The following NCR3LG1 variants were observed in gnomAD, a reference collection of about 807,000 sequenced individuals.
The protein encoded by NCR3LG1 is natural killer cell cytotoxicity receptor 3 ligand 1.
In NCR3LG1, 35 loss-of-function variants were observed where a neutral mutation model predicts 34.8. The observed-to-expected ratio is 1.01, with a 90% CI of 0.77 to 1.33. The LOEUF (loss-of-function observed/expected upper bound fraction) is 1.33, where lower values mean the gene tolerates loss of function less well. Among genes scored for constraint, NCR3LG1 ranks in the 40% most tolerant of loss-of-function variants. The probability of loss-of-function intolerance (pLI) is 0.00; values close to 1 mark genes in which losing one functional copy is unlikely to be tolerated. For missense variants in NCR3LG1, 452 were observed against 423.3 expected, an observed-to-expected ratio of 1.07 and a Z score of -0.60; for synonymous variants, 173 against 163.6, an observed-to-expected ratio of 1.06 and a Z score of -0.44.
chr11:17,362,724 CTTTCTTTCTTTCTTTCTT>C, intron 2 of NCR3LG1, among the ~76,000 whole-genome samples: 1 of 92,068 alleles, frequency 1.1e-5, no homozygotes, highest in African/African-American at 6.5e-5. Context: ...TTCTTTCTTT[CTTTCTTTCTTTCTTTCTT>C]TCTTTCTTTC....
intron 2 of NCR3LG1, among the ~76,000 whole-genome samples, chr11:17,363,526 C>CCTTCCTTCCGTCCTTCCTT: frequency 1.5e-5 from 1 of 65,310 alleles, no homozygotes; most frequent in African/African-American, 8.4e-5. Context: ...CTCCCTCCCT[C>CCTTCCTTCCGTCCTTCCTT]CCTCCCTCCC....
intron 4 of NCR3LG1, among the ~76,000 whole-genome samples, chr11:17,371,007 T>C (rs1253829597): frequency 6.6e-6 from 1 of 152,206 alleles, no homozygotes; most frequent in African/African-American, 2.4e-5. Context: ...ACTTAGGGCC[T>C]TTTTGTCCCC....
chr11:17,369,284 G>C (rs748461189), intron 4 of NCR3LG1, among the ~76,000 whole-genome samples: 13 of 152,220 alleles, frequency 8.5e-5, no homozygotes, highest in Non-Finnish European at 1.9e-4. Flanking sequence ...TTAGTGTTCA[G>C]ACCAGGCCCT....
intron 2 of NCR3LG1, among the ~76,000 whole-genome samples, chr11:17,358,698 T>A (rs1953237875): frequency 6.6e-6 from 1 of 152,244 alleles, no homozygotes; most frequent in Non-Finnish European, 1.5e-5. Context: ...ATAATTTTTT[T>A]AAGAATTCTT....
At chr11:17,364,491 G>A (rs773451119) in intron 2 of NCR3LG1, among the ~76,000 whole-genome samples, 72 of 151,734 alleles carry the variant, frequency 4.7e-4, no homozygotes, top group Admixed American at 3.7e-3. Context: ...ACCACACCGT[G>A]CCCAGTTTGG....
chr11:17,380,183 A>G (rs755254961), downstream of NCR3LG1, among the ~76,000 whole-genome samples: 4 of 152,192 alleles, frequency 2.6e-5, no homozygotes, highest in Non-Finnish European at 2.9e-5. Context: ...TTGTTATCAC[A>G]TTGATGAAAA....
chr11:17,358,035 T>C (rs1953230674), intron 2 of NCR3LG1, among the ~76,000 whole-genome samples: 1 of 152,196 alleles, frequency 6.6e-6, no homozygotes, highest in Non-Finnish European at 1.5e-5. Context: ...AATAGACTTT[T>C]TTTAAGGACA....
chr11:17,377,565 C>T (rs182089224), downstream of NCR3LG1, among the ~76,000 whole-genome samples: 24 of 152,310 alleles, frequency 1.6e-4, no homozygotes, highest in Admixed American at 5.2e-4. Context: ...CAAATGGCAT[C>T]GTGAGTGACT....
intron 2 of NCR3LG1, among the ~76,000 whole-genome samples, chr11:17,364,275 A>G (rs1236424193): frequency 6.6e-6 from 1 of 151,656 alleles, no homozygotes; most frequent in Non-Finnish European, 1.5e-5. Flanking sequence ...GCTCAATGCA[A>G]CCTCTGCTTC....
At chr11:17,358,855 G>A (rs981584894) in intron 2 of NCR3LG1, among the ~76,000 whole-genome samples, 1 of 152,034 alleles carries the variant, frequency 6.6e-6, no homozygotes, top group Non-Finnish European at 1.5e-5. Flanking sequence ...CTTTGGCCAC[G>A]GGGAGCTCAT....
rs1270628751 is a variant in NCR3LG1, at chr11:17,372,039, C to T, written c.892C>T (p.Leu298Phe). The change falls in exon 5 of 5, where the codon CTC (leucine) becomes TTC (phenylalanine). Residue 298 changes from leucine to phenylalanine, a missense_variant. Physicochemically the swap from Leu to Phe is conservative, Grantham distance 22 (BLOSUM62 0). Coordinates refer to ENST00000338965, the MANE Select transcript of NCR3LG1 (RefSeq NM_001202439.3). ...CNKSSSAYTP[L>F]KCILKHWNSF... is the part of the protein sequence containing the mutation. Reference sequence around the variant, plus strand: ...CAAATCATCTTCAGCCTATACTCCTCTCAAGTGCATTCTGAAACACTGGAA... The same window carrying T: ...CAAATCATCTTCAGCCTATACTCCTTTCAAGTGCATTCTGAAACACTGGAA... 4.3e-6 allele frequency: 3 copies of T among 702,526 alleles called. No homozygotes were observed. Among genetic ancestry groups the T allele is most frequent in the Admixed American group, 2.0e-5 (1 of 50,020 alleles). 43.5% of individuals were successfully genotyped at this position (702,526 alleles called of 1,614,324 possible).
rs1203784444 is a variant in NCR3LG1, at chr11:17,372,058, A to C, written c.911A>C (p.His304Pro). 1 of 702,706 alleles carries C rather than the reference A, an allele frequency of 1.4e-6. No homozygotes were observed. Among genetic ancestry groups the C allele is most frequent in the African/African-American group, 1.7e-5 (1 of 57,238 alleles). 43.5% of individuals were successfully genotyped at this position (702,706 alleles called of 1,614,324 possible). ...ACTCCTCTCAAGTGCATTCTGAAACACTGGAACTCCTTTGACACTCAGACT... is the reference window on the plus strand; with the variant it reads ...ACTCCTCTCAAGTGCATTCTGAAACCCTGGAACTCCTTTGACACTCAGACT... ...AYTPLKCILK[H>P]WNSFDTQTLK... The change falls in exon 5 of 5, where the codon CAC becomes CCC. Residue 304 changes from histidine (H) to proline (P), a missense_variant. By Grantham distance (77) the His-to-Pro change is moderately conservative (BLOSUM62 -2). Transcript: ENST00000338965.
intron 3 of NCR3LG1, 127 bp from the exon 4 acceptor site, chr11:17,368,740 A>G: frequency 1.5e-6 from 1 of 687,286 alleles, no homozygotes; most frequent in East Asian, 2.7e-5. Flanking sequence ...GACATGTGGC[A>G]GAGGGCTGGT....
At position 17,351,872 on chromosome 11, in the gene NCR3LG1, C is replaced by T. The variant is rs182060801; in HGVS notation, c.-98C>T. ...CTGGAAATCCCGGCTGTGTCTCCGT[C>T]AACTCTTTACGCAACAGAGGTCTCC... On this transcript the variant is annotated 5_prime_UTR_variant, in exon 1 of 5. It introduces an in-frame stop codon into an upstream open reading frame of the 5' UTR. Coordinates refer to ENST00000338965, the MANE Select transcript of NCR3LG1 (RefSeq NM_001202439.3). 1.8e-3 allele frequency: 1,706 copies of T among 946,684 alleles called. 19 individuals carry two copies. In the African/African-American group the frequency reaches 0.026, roughly 14 times the overall value. 58.6% of individuals were successfully genotyped at this position (946,684 alleles called of 1,614,324 possible).
intron 2 of NCR3LG1, among the ~76,000 whole-genome samples, chr11:17,362,434 G>A (rs565571912): frequency 1.3e-5 from 2 of 152,166 alleles, no homozygotes; most frequent in East Asian, 3.9e-4. Flanking sequence ...ATCTTTTCTG[G>A]TAATGTCTTT....
chr11:17,371,368 C>T (rs575122111), intron 4 of NCR3LG1, among the ~76,000 whole-genome samples: 246 of 152,262 alleles, frequency 1.6e-3, no homozygotes, highest in African/African-American at 5.6e-3. Flanking sequence ...TCCTTTCTCT[C>T]TTATGTCCCT....
chr11:17,380,040 T>C (rs1436011052), downstream of NCR3LG1, among the ~76,000 whole-genome samples: 2 of 152,158 alleles, frequency 1.3e-5, no homozygotes. Flanking sequence ...GAGCTCCGTG[T>C]TGGGAGCTGA....
chr11:17,356,652 T>G lies in NCR3LG1; in HGVS notation c.72T>G (p.Gly24=). The G allele has an allele frequency of 7.3e-6, 11 of 1,511,894 alleles. No individual in the cohort carries two copies. The highest frequency in any genetic ancestry group is 2.5e-5 in the South Asian group (2 of 81,528). The allele number at this position is 1,511,894 out of a possible 1,614,324, so 93.7% of individuals were successfully genotyped here. A position where few individuals can be genotyped will look rare whatever the true frequency, so the allele number is the denominator to read the frequency against. Residue 24 remains glycine, a splice_region_variant and synonymous_variant, in exon 2 of 5, where the codon GGT becomes GGG. Coordinates refer to ENST00000338965, the MANE Select transcript of NCR3LG1 (RefSeq NM_001202439.3). ...CATTGTGTCCTCTTATTGCCACAGG[T>G]GATCTGAAAGTAGAGATGATGGCAG... ...LILLWALTTE[G]DLKVEMMAGG...
intron 1 of NCR3LG1, among the ~76,000 whole-genome samples, chr11:17,354,990 C>T (rs946798531): frequency 2.6e-5 from 4 of 152,166 alleles, no homozygotes; most frequent in Non-Finnish European, 5.9e-5. Context: ...ATGAGTCTGA[C>T]TTCTTTGGAG....
Sources: gnomAD v4.1 joint callset for allele counts (sites outside exome capture counted in the v4.1 genomes callset) on GRCh38, gnomAD v4.1.1 for gene constraint, MANE v1.5 for transcripts, NCBI Gene and HGNC (gene_info 2026-07-23, HGNC 2026-07-21) for gene names.